LMAN2L: variants seen among roughly 807,000 people sequenced by gnomAD.
The protein encoded by LMAN2L is VIP36-like protein.
LMAN2L carries 30 observed loss-of-function variants against 44.3 expected under a neutral mutation model. The observed-to-expected ratio is 0.68, with a 90% CI of 0.51 to 0.92. The LOEUF is 0.92. LMAN2L is among the 40% of genes least tolerant of loss of function. The pLI, the probability that LMAN2L is intolerant of heterozygous loss-of-function variation, is 0.00. For synonymous variants in LMAN2L, 183 were observed against 171.1 expected (o/e 1.07, Z -0.54); for missense variants, 429 against 446.1 (o/e 0.96, Z 0.35).
chr2:96,714,761 CA>C (rs1209987129), intron 4 of LMAN2L, among the ~76,000 whole-genome samples: 1 of 152,136 alleles, frequency 6.6e-6, no homozygotes, highest in Non-Finnish European at 1.5e-5. Context: ...AAAGAGACAG[CA>C]ATCCTTAGCC....
chr2:96,738,666 C>A (rs1029477886), intron 1 of LMAN2L, among the ~76,000 whole-genome samples: 7 of 152,102 alleles, frequency 4.6e-5, no homozygotes, highest in African/African-American at 1.4e-4. Context: ...CGGAACAAGA[C>A]CTTGTCTCTA....
In LMAN2L at chr2:96,707,850, G is replaced by C; in HGVS notation, c.785-17C>G. On this transcript the variant is annotated splice_polypyrimidine_tract_variant and intron_variant, in intron 6 of 7. Transcript: ENST00000264963. Reference sequence around the variant, plus strand: ...CATGATTATCTGAAGAAAAATGGAAGAAGGATGACTTGTGCCACTTGAAAA... The same window carrying C: ...CATGATTATCTGAAGAAAAATGGAACAAGGATGACTTGTGCCACTTGAAAA... 1.9e-6 allele frequency: 3 copies of C among 1,612,734 alleles called. No homozygotes were observed. Among genetic ancestry groups the C allele is most frequent in the Non-Finnish European group, 2.5e-6 (3 of 1,179,354 alleles).
chr2:96,715,301 T>C (rs1436234564), intron 4 of LMAN2L, among the ~76,000 whole-genome samples: 1 of 152,244 alleles, frequency 6.6e-6, no homozygotes, highest in Non-Finnish European at 1.5e-5. Flanking sequence ...GAAGAAACGC[T>C]GCACCAGACA....
intron 4 of LMAN2L, among the ~76,000 whole-genome samples, chr2:96,725,782 C>T (rs1054113182): frequency 6.6e-6 from 1 of 151,724 alleles, no homozygotes; most frequent in African/African-American, 2.4e-5. Flanking sequence ...TTTGATAACA[C>T]TGCAAATGGA....
At chr2:96,739,226 C>T (rs951588911) in intron 1 of LMAN2L, among the ~76,000 whole-genome samples, 12 of 152,314 alleles carry the variant, frequency 7.9e-5, no homozygotes, top group South Asian at 6.2e-4. Flanking sequence ...TATACTCTTG[C>T]ACTTTGAATT....
At chr2:96,723,709 A>C (rs2078207478) in intron 4 of LMAN2L, among the ~76,000 whole-genome samples, 1 of 152,148 alleles carries the variant, frequency 6.6e-6, no homozygotes, top group Admixed American at 6.6e-5. Context: ...GTGTGGTGTG[A>C]AATAGGGAAT....
intron 4 of LMAN2L, among the ~76,000 whole-genome samples, chr2:96,732,148 T>C (rs2078412136): frequency 6.7e-6 from 1 of 150,102 alleles, no homozygotes; most frequent in African/African-American, 2.4e-5. Context: ...CCACCATGCC[T>C]GGCCTTCTAA....
At chr2:96,736,150 G>C (rs1277109747) in intron 2 of LMAN2L, among the ~76,000 whole-genome samples, 2 of 152,156 alleles carry the variant, frequency 1.3e-5, no homozygotes, top group Non-Finnish European at 2.9e-5. Flanking sequence ...ACTGATTCCT[G>C]GCCTCCTACA....
intron 2 of LMAN2L, among the ~76,000 whole-genome samples, chr2:96,735,131 C>T (rs1488413194): frequency 6.6e-6 from 1 of 152,208 alleles, no homozygotes; most frequent in Non-Finnish European, 1.5e-5. Flanking sequence ...CAAACCCTCC[C>T]GTCCATGGCC....
At chr2:96,716,370 G>GAA (rs1477734662) in intron 4 of LMAN2L, among the ~76,000 whole-genome samples, 1 of 151,624 alleles carries the variant, frequency 6.6e-6, no homozygotes, top group African/African-American at 2.4e-5. Context: ...TTGCACCAGT[G>GAA]AAAACTCTGT....
intron 6 of LMAN2L, among the ~76,000 whole-genome samples, chr2:96,708,183 ATG>A (rs1377153041): frequency 6.6e-6 from 1 of 152,242 alleles, no homozygotes; most frequent in Admixed American, 6.5e-5. Flanking sequence ...CAGGCTAGCG[ATG>A]TGTAGTACAA....
At chr2:96,731,663 T>A (rs1000731628) in intron 4 of LMAN2L, among the ~76,000 whole-genome samples, 2 of 151,694 alleles carry the variant, frequency 1.3e-5, no homozygotes, top group African/African-American at 4.8e-5. Context: ...ATAAAAAAAA[T>A]AAAAAATAAA....
chr2:96,725,205 G>A (rs950037776), intron 4 of LMAN2L, among the ~76,000 whole-genome samples: 4 of 151,950 alleles, frequency 2.6e-5, no homozygotes, highest in South Asian at 2.1e-4. Flanking sequence ...TGATCTACCC[G>A]TCTCAGCCTC....
intron 4 of LMAN2L, among the ~76,000 whole-genome samples, chr2:96,712,740 G>A (rs1257632990): frequency 6.6e-6 from 1 of 152,146 alleles, no homozygotes; most frequent in Non-Finnish European, 1.5e-5. Flanking sequence ...CCTTAACAGG[G>A]AGAAAATTGC....
chr2:96,721,818 A>G (rs1306816741), intron 4 of LMAN2L, among the ~76,000 whole-genome samples: 5 of 151,900 alleles, frequency 3.3e-5, no homozygotes, highest in Non-Finnish European at 1.5e-5. Flanking sequence ...TTATAACAAT[A>G]TATCACATTT....
At chr2:96,725,740 C>T (rs1444390302) in intron 4 of LMAN2L, among the ~76,000 whole-genome samples, 4 of 151,980 alleles carry the variant, frequency 2.6e-5, no homozygotes, top group African/African-American at 4.8e-5. Context: ...CCACCGCACC[C>T]GGCCAAATTT....
intron 4 of LMAN2L, among the ~76,000 whole-genome samples, chr2:96,717,794 G>A (rs1242326344): frequency 2.0e-5 from 3 of 149,922 alleles, no homozygotes; most frequent in South Asian, 2.1e-4. Flanking sequence ...GGCCAAGATC[G>A]TGCCACTATA....
At chr2:96,723,098 A>G (rs970038137) in intron 4 of LMAN2L, among the ~76,000 whole-genome samples, 1 of 152,230 alleles carries the variant, frequency 6.6e-6, no homozygotes, top group African/African-American at 2.4e-5. Context: ...GATCATGTAA[A>G]GTCTATGTTT....
intron 4 of LMAN2L, among the ~76,000 whole-genome samples, chr2:96,720,141 A>T (rs181372218): frequency 3.7e-4 from 56 of 152,354 alleles, no homozygotes; most frequent in African/African-American, 1.3e-3. Flanking sequence ...AAAAAAAAGT[A>T]TGAGGAGTAT....
Sources: allele counts gnomAD v4.1 joint callset (sites outside exome capture counted in the v4.1 genomes callset), GRCh38; gene constraint gnomAD v4.1.1; transcripts MANE v1.5; gene names NCBI Gene and HGNC (gene_info 2026-07-23, HGNC 2026-07-21).